GRID1: variants seen among roughly 807,000 people sequenced by gnomAD.
GRID1 encodes the protein glutamate receptor ionotropic, delta-1.
In GRID1, 28 loss-of-function variants were observed where a neutral mutation model predicts 98.0. That is an observed-to-expected ratio of 0.29 (90% confidence interval 0.21 to 0.39). The LOEUF (loss-of-function observed/expected upper bound fraction) is 0.39. Among genes scored for constraint, GRID1 ranks in the 10% least tolerant of loss-of-function variants. GRID1 has a pLI of 1.00. For synonymous variants in GRID1, 553 were observed against 538.5 expected (o/e 1.03, Z -0.37); for missense variants, 1,111 against 1,340.5 (o/e 0.83, Z 2.67).
intron 4 of GRID1, among the ~76,000 whole-genome samples, chr10:86,119,111 G>C (rs1350292207): frequency 1.3e-5 from 2 of 152,142 alleles, no homozygotes; most frequent in South Asian, 4.1e-4. Flanking sequence ...TAAGGCAGTG[G>C]ATCACTTGAG....
intron 8 of GRID1, among the ~76,000 whole-genome samples, chr10:85,843,722 T>C (rs577129414): frequency 1.2e-4 from 19 of 152,184 alleles, no homozygotes; most frequent in African/African-American, 3.9e-4. Context: ...ATCAGTGAAG[T>C]GCAAATTAAA....
At chr10:86,068,167 C>T (rs932790661) in intron 4 of GRID1, among the ~76,000 whole-genome samples, 6 of 152,324 alleles carry the variant, frequency 3.9e-5, no homozygotes, top group Middle Eastern at 3.4e-3. Flanking sequence ...CGGAATGGGA[C>T]AGTGACTTGG....
intron 13 of GRID1, among the ~76,000 whole-genome samples, chr10:85,638,125 A>C (rs1477735973): frequency 3.2e-5 from 1 of 31,178 alleles, no homozygotes; most frequent in African/African-American, 8.0e-4. Flanking sequence ...AAAGTAAAAT[A>C]AGAAGAAAAT....
At chr10:86,306,326 T>A (rs930084456) in intron 2 of GRID1, among the ~76,000 whole-genome samples, 4 of 152,234 alleles carry the variant, frequency 2.6e-5, no homozygotes, top group African/African-American at 9.6e-5. Flanking sequence ...TGGTGGCTTA[T>A]ACAGGGCTCT....
chr10:85,994,884 G>A (rs1842722586), intron 4 of GRID1, among the ~76,000 whole-genome samples: 1 of 152,222 alleles, frequency 6.6e-6, no homozygotes, highest in African/African-American at 2.4e-5. Context: ...GAGAATGCAA[G>A]ACAGAATCTT....
intron 4 of GRID1, among the ~76,000 whole-genome samples, chr10:86,094,029 G>A (rs1589368908): frequency 1.3e-5 from 2 of 152,154 alleles, no homozygotes; most frequent in South Asian, 4.2e-4. Context: ...TGGGATGCAG[G>A]GATGGTTTAA....
At chr10:86,060,248 A>T (rs1263407754) in intron 4 of GRID1, among the ~76,000 whole-genome samples, 1 of 152,254 alleles carries the variant, frequency 6.6e-6, no homozygotes, top group Non-Finnish European at 1.5e-5. Context: ...CTTCCCTAAG[A>T]GTTTTTATGT....
intron 2 of GRID1, among the ~76,000 whole-genome samples, chr10:86,241,181 G>C (rs984650560): frequency 6.6e-6 from 1 of 152,228 alleles, no homozygotes; most frequent in African/African-American, 2.4e-5. Context: ...CTCAGCCTTG[G>C]CTATGAACTC....
chr10:86,124,698 A>C (rs1476915172), intron 4 of GRID1, among the ~76,000 whole-genome samples: 2 of 152,194 alleles, frequency 1.3e-5, no homozygotes, highest in African/African-American at 4.8e-5. Context: ...TGTTTGTCTC[A>C]GTCCCTTTAT....
intron 3 of GRID1, among the ~76,000 whole-genome samples, chr10:86,181,407 G>C (rs924225161): frequency 1.3e-5 from 2 of 152,200 alleles, no homozygotes; most frequent in Non-Finnish European, 2.9e-5. Flanking sequence ...GCCTCTTCCA[G>C]TGGACACTAA....
At chr10:85,915,321 CACAA>C (rs1403850418) in intron 5 of GRID1, among the ~76,000 whole-genome samples, 5 of 152,068 alleles carry the variant, frequency 3.3e-5, no homozygotes, top group Non-Finnish European at 5.9e-5. Context: ...CATATACATA[CACAA>C]ACTCACGTAT....
At chr10:85,716,450 T>C (rs1841640635) in intron 12 of GRID1, among the ~76,000 whole-genome samples, 1 of 152,032 alleles carries the variant, frequency 6.6e-6, no homozygotes, top group African/African-American at 2.4e-5. Flanking sequence ...TTGGGAGATA[T>C]ACCTAATGCT....
chr10:85,856,026 T>C lies in GRID1; in HGVS notation c.1113+3A>G. 1 of 1,613,362 alleles carries C rather than the reference T, an allele frequency of 6.2e-7. No individual in the cohort carries two copies. Among genetic ancestry groups the C allele is most frequent in the Non-Finnish European group, 8.5e-7 (1 of 1,179,886 alleles). On this transcript the variant is annotated splice_donor_region_variant and intron_variant, in intron 7 of 15. Transcript: ENST00000327946. ...CAGGTTGGGGGTGCCCCCTCACACGTACCTTTTTGATGGTATCCAGCATGG... is the reference window on the plus strand; with the variant it reads ...CAGGTTGGGGGTGCCCCCTCACACGCACCTTTTTGATGGTATCCAGCATGG...
At chr10:85,911,965 C>T (rs1841545428) in intron 5 of GRID1, among the ~76,000 whole-genome samples, 1 of 152,230 alleles carries the variant, frequency 6.6e-6, no homozygotes, top group African/African-American at 2.4e-5. Flanking sequence ...CAGAGAGGTC[C>T]TTTCCATCGC....
intron 12 of GRID1, among the ~76,000 whole-genome samples, chr10:85,703,932 C>CA (rs1443847534): frequency 6.6e-6 from 1 of 152,038 alleles, no homozygotes; most frequent in African/African-American, 2.4e-5. Context: ...CTGGTGGTGA[C>CA]AAAATCTCTC....
At chr10:86,343,257 A>G (rs909243496) in intron 2 of GRID1, among the ~76,000 whole-genome samples, 1 of 152,252 alleles carries the variant, frequency 6.6e-6, no homozygotes, top group African/African-American at 2.4e-5. Context: ...TATATAAAAT[A>G]AATCATTTAA....
At chr10:86,360,950 C>T (rs1848593159) in intron 2 of GRID1, among the ~76,000 whole-genome samples, 1 of 152,218 alleles carries the variant, frequency 6.6e-6, no homozygotes, top group Non-Finnish European at 1.5e-5. Flanking sequence ...GTGGGCTTGT[C>T]CAGTCAATGA....
rs771100097 is a variant in GRID1 at position 86,206,402 on chromosome 10, C to T, written c.482G>A (p.Arg161His). The change falls in exon 3 of 16, where the codon CGC becomes CAC. Residue 161 changes from arginine (R) to histidine (H), a missense_variant. This residue lies in a region of GRID1 where 346 missense variants were observed against 452.3 expected (regional missense o/e 0.76). Transcript: ENST00000327946. The surrounding 1 kb of genome is among the most constrained non-coding windows in gnomAD (Gnocchi z 4.1). ...DVMLRLVTEL[R>H]WQKFVMFYDS... ...GTAGAACATGACGAACTTCTGCCAGCGCAGCTCCGTCACCAGCCTGAGCAT... is the reference window on the plus strand; with the variant it reads ...GTAGAACATGACGAACTTCTGCCAGTGCAGCTCCGTCACCAGCCTGAGCAT... 19 of 1,609,930 alleles carry T rather than the reference C, an allele frequency of 1.2e-5. No individual in the cohort carries two copies. The highest frequency in any genetic ancestry group is 8.0e-5 in the African/African-American group (6 of 74,866).
chr10:86,001,980 GCCTC>G (rs1842807260), intron 4 of GRID1, among the ~76,000 whole-genome samples: 1 of 152,034 alleles, frequency 6.6e-6, no homozygotes. Context: ...TCCAATCTCT[GCCTC>G]CCTCTTCACA....
Sources: gnomAD v4.1 joint callset for allele counts (sites outside exome capture counted in the v4.1 genomes callset) on GRCh38, gnomAD v4.1.1 for gene constraint, gnomAD v4.1.1 regional missense constraint, Gnocchi (gnomAD v3.1) non-coding constraint, MANE v1.5 for transcripts, NCBI Gene and HGNC (gene_info 2026-07-23, HGNC 2026-07-21) for gene names.